Variants in HTR3B observed in about 807,000 individuals in gnomAD.
The protein encoded by HTR3B is 5-hydroxytryptamine (serotonin) receptor 3B, ionotropic.
HTR3B carries 44 observed loss-of-function variants against 42.8 expected under a neutral mutation model. The ratio of observed to expected loss-of-function variants is 1.03; its 90% CI spans 0.81 to 1.32. The LOEUF (loss-of-function observed/expected upper bound fraction) is 1.32, where lower values mean the gene tolerates loss of function less well. HTR3B is among the 40% of genes most tolerant of loss of function. The pLI, the probability that HTR3B is intolerant of heterozygous loss-of-function variation, is 0.00. For missense variants in HTR3B, 527 were observed against 536.5 expected, an observed-to-expected ratio of 0.98 and a Z score of 0.17; for synonymous variants, 203 against 209.0, an observed-to-expected ratio of 0.97 and a Z score of 0.25.
At chr11:113,901,491 A>G (rs1949697826), upstream of HTR3B, among the ~76,000 whole-genome samples, 1 of 152,104 alleles carries the variant, frequency 6.6e-6, no homozygotes, top group Admixed American at 6.5e-5. Context: ...CAAAGTCCAG[A>G]CAGGACACTA....
chr11:113,931,780 C>T lies in HTR3B; in HGVS notation c.281C>T (p.Ser94Phe), dbSNP rs917472689. ...YQEVWNDEFL[S>F]WNSSMFDEIR... ...CAGGTCTGGAATGATGAATTTTTAT[C>T]CTGGAACTCCAGCATGTTTGATGAG... The change falls in exon 4 of 9, where the codon TCC becomes TTC. Residue 94 changes from serine (S) to phenylalanine (F), a missense_variant. Coordinates refer to ENST00000260191, the MANE Select transcript of HTR3B (RefSeq NM_006028.5). 9 of 1,611,256 alleles carry T rather than the reference C, an allele frequency of 5.6e-6. No homozygotes were observed. Among genetic ancestry groups the T allele is most frequent in the Non-Finnish European group, 7.6e-6 (9 of 1,177,354 alleles).
At chr11:113,941,201 A>T (rs1950132275) in intron 6 of HTR3B, among the ~76,000 whole-genome samples, 2 of 152,204 alleles carry the variant, frequency 1.3e-5, no homozygotes, top group Admixed American at 1.3e-4. Flanking sequence ...TTTTTGTCCA[A>T]ATCCAACAGC....
chr11:113,912,896 GT>G (rs201067949), intron 2 of HTR3B, among the ~76,000 whole-genome samples: 8 of 149,126 alleles, frequency 5.4e-5, no homozygotes, highest in East Asian at 3.9e-4. Flanking sequence ...TGGGTCATTG[GT>G]TTTTTTTTAT....
intron 2 of HTR3B, among the ~76,000 whole-genome samples, chr11:113,926,910 C>T (rs1189470347): frequency 2.6e-5 from 4 of 152,128 alleles, no homozygotes; most frequent in African/African-American, 9.7e-5. Flanking sequence ...ACATCCTTGC[C>T]AATATTTGTT....
intron 6 of HTR3B, among the ~76,000 whole-genome samples, chr11:113,933,477 T>C (rs1298997201): frequency 6.6e-6 from 1 of 150,882 alleles, no homozygotes; most frequent in Non-Finnish European, 1.5e-5. Flanking sequence ...ATCAACATTA[T>C]TGTCCTATTT....
chr11:113,915,443 A>G (rs779763656), intron 2 of HTR3B, among the ~76,000 whole-genome samples: 63 of 152,232 alleles, frequency 4.1e-4, no homozygotes, highest in Non-Finnish European at 7.9e-4. Context: ...AATATTATAC[A>G]AATGGAATTA....
chr11:113,906,455 C>T (rs565434599), intron 1 of HTR3B, among the ~76,000 whole-genome samples: 1 of 152,242 alleles, frequency 6.6e-6, no homozygotes, highest in South Asian at 2.1e-4. Context: ...TTTGGATATT[C>T]ATGACAATCA....
chr11:113,921,154 A>AT (rs71063534), intron 2 of HTR3B, among the ~76,000 whole-genome samples: 167 of 144,758 alleles, frequency 1.2e-3, no homozygotes, highest in Middle Eastern at 7.2e-3. Flanking sequence ...TTTATTTTTT[A>AT]TTTTTTTTTT....
chr11:113,927,000 G>C (rs1949982137), intron 2 of HTR3B, among the ~76,000 whole-genome samples: 1 of 152,124 alleles, frequency 6.6e-6, no homozygotes, highest in Non-Finnish European at 1.5e-5. Flanking sequence ...CAGTTCCCTG[G>C]TGACTAATGA....
Position 113,944,625 on chromosome 11 carries a change from C to T in HTR3B, c.960C>T (p.Ser320=). The T allele has an allele frequency of 1.2e-6, 2 of 1,614,188 alleles. No homozygotes were observed. Among genetic ancestry groups the T allele is most frequent in the South Asian group, 1.1e-5 (1 of 91,086 alleles). The stretch of plus-strand genomic sequence containing the variant: ...TCTTGGTTCTCAGCTTAGCTAAGTC[C>T]ATCGTGTTGGTCAAATTCCTCCATG... ...MAFLVLSLAK[S]IVLVKFLHDE... Residue 320 remains serine, a synonymous_variant, in exon 8 of 9, where the codon TCC becomes TCT. Transcript: ENST00000260191.
chr11:113,904,367 A>T (rs1949718921), upstream of HTR3B, among the ~76,000 whole-genome samples: 1 of 152,224 alleles, frequency 6.6e-6, no homozygotes, highest in Non-Finnish European at 1.5e-5. Flanking sequence ...AACAAAAAGC[A>T]CTTTTCCATT....
At chr11:113,902,734 C>T (rs191693348), upstream of HTR3B, among the ~76,000 whole-genome samples, 230 of 152,324 alleles carry the variant, frequency 1.5e-3, 1 homozygote, top group African/African-American at 5.1e-3. Flanking sequence ...ATACCTCATT[C>T]GAGTTTCAAT....
intron 4 of HTR3B, 125 bp downstream of exon 4, chr11:113,931,992 G>A: frequency 1.4e-6 from 1 of 697,588 alleles, no homozygotes; most frequent in South Asian, 1.6e-5. Context: ...CATATTGTTG[G>A]GAGTATTCAG....
At chr11:113,909,240 T>C in intron 1 of HTR3B, 55 bp from the exon 2 acceptor site, 1 of 1,454,620 alleles carries the variant, frequency 6.9e-7, no homozygotes, top group Non-Finnish European at 9.6e-7. Flanking sequence ...TGAAACCTCC[T>C]AAAGAAACCA....
upstream of HTR3B, chr11:113,904,702 A>G (rs2137479224): frequency 2.0e-6 from 1 of 487,816 alleles, no homozygotes; most frequent in South Asian, 2.8e-5. Flanking sequence ...GGCAGAACCA[A>G]AGGGAGAAGT....
At chr11:113,924,651 A>C (rs1273473408) in intron 2 of HTR3B, among the ~76,000 whole-genome samples, 6 of 126,486 alleles carry the variant, frequency 4.7e-5, no homozygotes, top group African/African-American at 1.7e-4. Flanking sequence ...AAAAAAAGCC[A>C]AGAAGTGGTG....
chr11:113,905,527 T>C (rs997138858), intron 1 of HTR3B, among the ~76,000 whole-genome samples: 21 of 152,218 alleles, frequency 1.4e-4, no homozygotes, highest in African/African-American at 4.8e-4. Flanking sequence ...ACAGGTACTA[T>C]AAACTGGTAA....
chr11:113,901,029 G>A (rs1591565851), upstream of HTR3B, among the ~76,000 whole-genome samples: 5 of 152,244 alleles, frequency 3.3e-5, no homozygotes, highest in South Asian at 1.0e-3. Flanking sequence ...TGAGATTTGG[G>A]TGGGGACATA....
Position 113,946,071 on chromosome 11 carries a change from C to G in HTR3B, c.1260C>G (p.Tyr420Ter). 6.8e-7 allele frequency: 1 copy of G among 1,476,602 alleles called. No homozygotes were observed. The highest frequency in any genetic ancestry group is 1.4e-5 in the South Asian group (1 of 71,654). 91.5% of individuals were successfully genotyped at this position (1,476,602 alleles called of 1,614,324 possible). A position where few individuals can be genotyped will look rare whatever the true frequency, so the allele number is the denominator to read the frequency against. Residue 420 changes from tyrosine (Y) to a stop codon, truncating the protein, a stop_gained, in exon 9 of 9, where the codon TAC (tyrosine) becomes TAG (stop). Transcript: ENST00000260191. LOFTEE classifies it high-confidence loss of function. Reference protein sequence around the residue: ...SRFDRLLFQSYLFMLGIYTIT... With the variant: ...SRFDRLLFQS ...TTGACCGACTGCTCTTCCAAAGCTA[C>G]CTTTTCATGCTGGGGATCTACACCA...
Sources: gnomAD v4.1 joint callset for allele counts (sites outside exome capture counted in the v4.1 genomes callset) on GRCh38, gnomAD v4.1.1 for gene constraint, MANE v1.5 for transcripts, NCBI Gene and HGNC (gene_info 2026-07-23, HGNC 2026-07-21) for gene names.